Variants in RMDN1 observed in about 807,000 individuals in gnomAD.
RMDN1 encodes regulator of microtubule dynamics 1.
In RMDN1, 48 loss-of-function variants were observed where a neutral mutation model predicts 48.9. That is an observed-to-expected ratio of 0.98 (90% CI 0.78 to 1.25). The LOEUF (loss-of-function observed/expected upper bound fraction) is 1.25. Among genes scored for constraint, RMDN1 ranks in the 50% most tolerant of loss-of-function variants. The pLI, the probability that RMDN1 is intolerant of heterozygous loss-of-function variation, is 0.00. For synonymous variants in RMDN1, 148 were observed against 132.6 expected, an observed-to-expected ratio of 1.12 and a Z score of -0.80; for missense variants, 418 against 373.4, an observed-to-expected ratio of 1.12 and a Z score of -0.98.
In RMDN1 at chr8:86,504,032, G is replaced by A. The variant is rs1196519927; in HGVS notation, c.247+2963C>T. On this transcript the variant is annotated intron_variant, in intron 2 of 9. Coordinates refer to ENST00000406452, the MANE Select transcript of RMDN1 (RefSeq NM_016033.3). ...GAGATCTCAGCTACTGCCCTGCAGGGTACCTTTGGCACTCTCAACCAGCTG... is the reference window on the plus strand; with the variant it reads ...GAGATCTCAGCTACTGCCCTGCAGGATACCTTTGGCACTCTCAACCAGCTG... 4 of 796,042 alleles carry A rather than the reference G, an allele frequency of 5.0e-6. No individual in the cohort carries two copies. The African/African-American group carries it at 6.7e-5, about 13-fold the overall frequency. The allele number at this position is 796,042 out of a possible 1,614,324, so 49.3% of individuals were successfully genotyped here. A position where few individuals can be genotyped will look rare whatever the true frequency, so the allele number is the denominator to read the frequency against.
At chr8:86,475,923 G>A (rs918453897) in intron 8 of RMDN1, among the ~76,000 whole-genome samples, 1 of 152,174 alleles carries the variant, frequency 6.6e-6, no homozygotes, top group Non-Finnish European at 1.5e-5. Context: ...AGTAATGAGT[G>A]TGCAATTGTG....
intron 5 of RMDN1, chr8:86,483,055 G>C (rs763726621): frequency 2.4e-5 from 12 of 499,520 alleles, no homozygotes; most frequent in Non-Finnish European, 3.6e-6. Flanking sequence ...GAAGGGTTGA[G>C]AGGGGTACTT....
chr8:86,468,329 A>G, downstream of RMDN1: 1 of 440,380 alleles, frequency 2.3e-6, no homozygotes, highest in South Asian at 1.7e-5. Flanking sequence ...TTTATTCAGA[A>G]TTCATAGTAA....
intron 2 of RMDN1, among the ~76,000 whole-genome samples, chr8:86,500,051 TA>T (rs1817962397): frequency 6.6e-6 from 1 of 152,090 alleles, no homozygotes; most frequent in Non-Finnish European, 1.5e-5. Context: ...ATTAAAGACT[TA>T]AATATAAGAC....
In RMDN1 at chr8:86,484,732, A is replaced by G. The variant is rs542412847; in HGVS notation, c.585+140T>C. 1.2e-3 allele frequency: 581 copies of G among 479,096 alleles called. 4 individuals carry two copies. Among genetic ancestry groups the G allele is most frequent in the African/African-American group, 0.01 (517 of 49,766 alleles). 29.7% of individuals were successfully genotyped at this position (479,096 alleles called of 1,614,324 possible). On this transcript the variant is annotated intron_variant, in intron 5 of 9. Transcript: ENST00000406452. The stretch of plus-strand genomic sequence containing the variant: ...AAACTCCGTCTCAAAAAAAAAAAAA[A>G]AAAGAAATAACAAACTGTCATGGCT...
chr8:86,478,381 C>T (rs913450575), intron 7 of RMDN1: 8 of 152,290 alleles, frequency 5.3e-5, no homozygotes, highest in African/African-American at 1.4e-4. Flanking sequence ...TGTTTTCTTA[C>T]TCTGAAAAGC....
chr8:86,508,499 C>A lies in RMDN1; in HGVS notation c.122G>T (p.Gly41Val), dbSNP rs1338696839. ...RGHCGPCRFR[G>V]FEVMGNPGTF... ...CCAGGACCACGGGGGTACCTCGAAG[C>A]CGCGGAATCGACAGGGGCCGCAATG... Residue 41 changes from glycine (G) to valine (V), a missense_variant, in exon 1 of 10, where the codon GGC becomes GTC. Gly to Val is a moderately radical substitution (Grantham distance 109). Transcript: ENST00000406452. 5 of 1,551,488 alleles carry A rather than the reference C, an allele frequency of 3.2e-6. No homozygotes were observed. Among genetic ancestry groups the A allele is most frequent in the Non-Finnish European group, 3.5e-6 (4 of 1,148,960 alleles).
chr8:86,489,935 ATAATG>A (rs34904632), intron 2 of RMDN1, among the ~76,000 whole-genome samples: 23,304 of 152,038 alleles, frequency 0.15, 1,892 homozygotes, highest in Non-Finnish European at 0.19. Flanking sequence ...AGTTAACATC[ATAATG>A]TAATAATTAT....
downstream of RMDN1, chr8:86,470,422 A>G (rs897064912): frequency 3.1e-5 from 40 of 1,274,016 alleles, no homozygotes; most frequent in African/African-American, 4.9e-4. Context: ...TGGGAAGTCA[A>G]ATGGAAGAGA....
At chr8:86,509,077 T>C (rs895197096), upstream of RMDN1, among the ~76,000 whole-genome samples, 1 of 152,156 alleles carries the variant, frequency 6.6e-6, no homozygotes, top group African/African-American at 2.4e-5. Context: ...GGGTCTTTTT[T>C]GGAAGTAAAT....
Position 86,473,335 on chromosome 8 carries a change from G to A in RMDN1, c.*973C>T, listed in dbSNP as rs1008617448. The A allele has an allele frequency of 1.0e-6, 1 of 985,314 alleles. No individual in the cohort carries two copies. The highest frequency in any genetic ancestry group is 1.7e-5 in the African/African-American group (1 of 57,240). 61.0% of individuals were successfully genotyped at this position (985,314 alleles called of 1,614,324 possible). A position where few individuals can be genotyped will look rare whatever the true frequency, so the allele number is the denominator to read the frequency against. ...CAGTGGTGGCACTCCAGCCTCAAGTGAGTAGCATAGTCCTGCCTATTTAAA... is the reference window on the plus strand; with the variant it reads ...CAGTGGTGGCACTCCAGCCTCAAGTAAGTAGCATAGTCCTGCCTATTTAAA... On this transcript the variant is annotated 3_prime_UTR_variant, in exon 10 of 10. Transcript: ENST00000406452.
At chr8:86,477,437 T>A in intron 7 of RMDN1, 113 bp from the exon 8 acceptor site, 1 of 823,434 alleles carries the variant, frequency 1.2e-6, no homozygotes, top group South Asian at 2.1e-5. Flanking sequence ...AGGAAGTAAA[T>A]CATCTTAAAA....
chr8:86,507,225 C>T (rs1051156530), intron 1 of RMDN1, 113 bp from the exon 2 acceptor site: 17 of 629,132 alleles, frequency 2.7e-5, no homozygotes, highest in African/African-American at 2.5e-4. Context: ...GATCATAATA[C>T]TGGAAGCTTA....
At chr8:86,469,398 A>AT (rs1383627738), downstream of RMDN1, among the ~76,000 whole-genome samples, 1 of 152,162 alleles carries the variant, frequency 6.6e-6, no homozygotes, top group Non-Finnish European at 1.5e-5. Flanking sequence ...CAGATACACG[A>AT]CAGAAAGCCA....
chr8:86,471,446 T>C (rs1488693799), downstream of RMDN1, among the ~76,000 whole-genome samples: 1 of 152,052 alleles, frequency 6.6e-6, no homozygotes, highest in African/African-American at 2.4e-5. Flanking sequence ...GAGTAAACTT[T>C]AACACAATAT....
chr8:86,505,002 G>A, intron 2 of RMDN1: 1 of 1,473,284 alleles, frequency 6.8e-7, no homozygotes. Flanking sequence ...AGATAGATCT[G>A]GGAAGGATGG....
chr8:86,471,931 A>G (rs1221175914), downstream of RMDN1, among the ~76,000 whole-genome samples: 2 of 152,224 alleles, frequency 1.3e-5, no homozygotes, highest in African/African-American at 2.4e-5. Flanking sequence ...ATTAGCAACA[A>G]ATCAAATGCA....
upstream of RMDN1, among the ~76,000 whole-genome samples, chr8:86,511,117 T>C (rs1289246317): frequency 5.3e-5 from 8 of 151,288 alleles, no homozygotes; most frequent in African/African-American, 1.9e-4. Flanking sequence ...GGAGCGGTGA[T>C]CACACCACTG....
At chr8:86,501,948 G>A (rs892425937) in intron 2 of RMDN1, among the ~76,000 whole-genome samples, 1 of 151,312 alleles carries the variant, frequency 6.6e-6, no homozygotes, top group Admixed American at 6.6e-5. Context: ...ACAGTGCAGG[G>A]CTTCTCAATT....
Sources: gnomAD v4.1 joint callset for allele counts (sites outside exome capture counted in the v4.1 genomes callset) on GRCh38, gnomAD v4.1.1 for gene constraint, MANE v1.5 for transcripts, NCBI Gene and HGNC (gene_info 2026-07-23, HGNC 2026-07-21) for gene names.